The following LRCH1 variants were observed in gnomAD, a reference collection of about 807,000 sequenced individuals.
LRCH1 encodes leucine rich repeats and calponin homology domain containing 1.
Under a neutral mutation model 94.9 loss-of-function variants are expected in LRCH1, and 23 were observed. That is an observed-to-expected ratio of 0.24 (90% confidence interval 0.17 to 0.34). LRCH1 has a LOEUF of 0.34. LRCH1 is among the 10% of genes least tolerant of loss of function. The pLI is 1.00. For synonymous variants in LRCH1, 364 were observed against 354.9 expected (o/e 1.03, Z -0.29); for missense variants, 790 against 945.9 (o/e 0.84, Z 2.16).
At chr13:46,704,012 ACTATGT>A (rs1871624343) in intron 11 of LRCH1, among the ~76,000 whole-genome samples, 1 of 152,150 alleles carries the variant, frequency 6.6e-6, no homozygotes, top group Non-Finnish European at 1.5e-5. Flanking sequence ...ATTTTAAAAT[ACTATGT>A]TGTAAAATTT....
chr13:46,613,680 G>C (rs2050772889), intron 1 of LRCH1, among the ~76,000 whole-genome samples: 1 of 152,186 alleles, frequency 6.6e-6, no homozygotes. Context: ...TAATTGGTGT[G>C]TTGCAGAACC....
intron 13 of LRCH1, among the ~76,000 whole-genome samples, chr13:46,705,963 C>T (rs368627887): frequency 5.8e-4 from 89 of 152,308 alleles, no homozygotes; most frequent in African/African-American, 2.1e-3. Context: ...ACATAGGCTA[C>T]AACCCATTTC....
chr13:46,750,493 A>G, intron 18 of LRCH1: 5 of 1,299,424 alleles, frequency 3.8e-6, no homozygotes, highest in Non-Finnish European at 5.4e-6. Flanking sequence ...TTTTACAATG[A>G]GAGTACAATC....
chr13:46,712,611 TC>T lies in LRCH1; in HGVS notation c.1654+15del, dbSNP rs754937474. ...AGCCTCGATCAGGTAAATGAAAACC[TC>T]AGCCCATTCTTACACTAAATAACTC... On this transcript the variant is annotated intron_variant, in intron 15 of 19. Transcript: ENST00000389797. 73 of 1,610,574 alleles carry T rather than the reference TC, an allele frequency of 4.5e-5. No homozygotes were observed. Among genetic ancestry groups the T allele is most frequent in the Middle Eastern group, 1.6e-4 (1 of 6,072 alleles).
chr13:46,728,765 T>G, intron 17 of LRCH1, 82 bp from the exon 18 acceptor site: 1 of 1,318,876 alleles, frequency 7.6e-7, no homozygotes, highest in East Asian at 2.5e-5. Context: ...AGTGCCTCAG[T>G]TCATAAATAC....
At chr13:46,707,303 T>A (rs1871814573) in intron 13 of LRCH1, among the ~76,000 whole-genome samples, 1 of 152,228 alleles carries the variant, frequency 6.6e-6, no homozygotes, top group African/African-American at 2.4e-5. Flanking sequence ...GTCTAATGTT[T>A]CCTTATCAGT....
intron 1 of LRCH1, among the ~76,000 whole-genome samples, chr13:46,636,521 T>TG (rs2051092091): frequency 6.6e-6 from 1 of 152,200 alleles, no homozygotes; most frequent in Non-Finnish European, 1.5e-5. Flanking sequence ...TCCAAGCCCC[T>TG]GGCAACCATC....
intron 2 of LRCH1, among the ~76,000 whole-genome samples, chr13:46,659,907 C>T (rs1488712490): frequency 6.6e-6 from 1 of 152,060 alleles, no homozygotes; most frequent in East Asian, 1.9e-4. Context: ...GAACATTTGA[C>T]CACGGTGCCA....
intron 1 of LRCH1, among the ~76,000 whole-genome samples, chr13:46,646,616 C>A (rs2138072189): frequency 6.6e-6 from 1 of 152,248 alleles, no homozygotes; most frequent in South Asian, 2.1e-4. Flanking sequence ...ACATATAGAG[C>A]TGCTTCATTC....
At chr13:46,752,104 G>C (rs554812512) in exon 19 of LRCH1, 85 of 152,582 alleles carry the variant, frequency 5.6e-4, no homozygotes, top group Non-Finnish European at 1.6e-4. Flanking sequence ...AATAGGGCTA[G>C]AGAAGAACCA....
intron 1 of LRCH1, among the ~76,000 whole-genome samples, chr13:46,570,276 C>G (rs1183155716): frequency 6.6e-6 from 1 of 152,182 alleles, no homozygotes; most frequent in Non-Finnish European, 1.5e-5. Flanking sequence ...TGACTTCTTG[C>G]AAATGCCTTG....
chr13:46,705,642 A>G (rs759422731), intron 13 of LRCH1: 16 of 427,198 alleles, frequency 3.7e-5, no homozygotes, highest in Admixed American at 1.1e-4. Context: ...GGACCATTCA[A>G]TGTAGATTTT....
At chr13:46,562,175 C>A (rs1359397613) in intron 1 of LRCH1, among the ~76,000 whole-genome samples, 1 of 152,212 alleles carries the variant, frequency 6.6e-6, no homozygotes, top group Non-Finnish European at 1.5e-5. Flanking sequence ...GCATAGTTTG[C>A]TGATCTGCTC....
At chr13:46,653,504 A>AT (rs1479068147) in intron 2 of LRCH1, among the ~76,000 whole-genome samples, 3 of 152,152 alleles carry the variant, frequency 2.0e-5, no homozygotes, top group Admixed American at 2.0e-4. Flanking sequence ...CTCCTATAAA[A>AT]TTTTTTACAT....
intron 7 of LRCH1, among the ~76,000 whole-genome samples, chr13:46,689,400 A>G (rs1870782945): frequency 1.3e-5 from 2 of 152,166 alleles, no homozygotes; most frequent in African/African-American, 4.8e-5. Context: ...CATCTTTAAT[A>G]TCTTTAATAT....
intron 1 of LRCH1, among the ~76,000 whole-genome samples, chr13:46,647,813 GT>G (rs1302249479): frequency 1.0e-5 from 1 of 96,016 alleles, no homozygotes; most frequent in African/African-American, 4.0e-5. Context: ...TTTTTTTTTC[GT>G]TGTAAATGGC....
intron 1 of LRCH1, among the ~76,000 whole-genome samples, chr13:46,587,493 A>ATT (rs2050448533): frequency 6.6e-6 from 1 of 152,236 alleles, no homozygotes; most frequent in East Asian, 1.9e-4. Flanking sequence ...AAAACTTAAT[A>ATT]GAGTTTCTTA....
chr13:46,719,438 G>A (rs1445500167), intron 16 of LRCH1, among the ~76,000 whole-genome samples: 1 of 152,196 alleles, frequency 6.6e-6, no homozygotes, highest in African/African-American at 2.4e-5. Flanking sequence ...CTGTAAGATA[G>A]AAAGTGGTGA....
chr13:46,556,658 A>G (rs2050069494), intron 1 of LRCH1, among the ~76,000 whole-genome samples: 1 of 152,146 alleles, frequency 6.6e-6, no homozygotes, highest in South Asian at 2.1e-4. Context: ...GACAGAGACA[A>G]GTTACATAAT....
Sources: allele counts gnomAD v4.1 joint callset (sites outside exome capture counted in the v4.1 genomes callset), GRCh38; gene constraint gnomAD v4.1.1; transcripts MANE v1.5; gene names NCBI Gene and HGNC (gene_info 2026-07-23, HGNC 2026-07-21).